The following OR6C4 variants were observed in gnomAD, a reference collection of about 807,000 sequenced individuals.
OR6C4 encodes the protein olfactory receptor 6C4.
OR6C4 carries 20 observed loss-of-function variants against 15.1 expected under a neutral mutation model. The observed-to-expected ratio is 1.32, with a 90% CI of 0.93 to 1.92. OR6C4 has a LOEUF of 1.92. OR6C4 is among the 30% of genes most tolerant of loss of function. OR6C4 has a pLI of 0.00. For synonymous variants in OR6C4, 179 were observed against 134.2 expected (o/e 1.33, Z -2.31); for missense variants, 491 against 363.2 (o/e 1.35, Z -2.86).
In OR6C4 at chr12:55,552,245, T is replaced by C; in HGVS notation, c.*89T>C. 1.2e-6 allele frequency: 1 copy of C among 808,304 alleles called. No individual in the cohort carries two copies. The highest frequency in any genetic ancestry group is 1.7e-5 in the South Asian group (1 of 57,422). The allele number at this position is 808,304 out of a possible 1,614,324, so 50.1% of individuals were successfully genotyped here. On this transcript the variant is annotated 3_prime_UTR_variant, in exon 2 of 2. Transcript: ENST00000641569. ...CAAGTGCTAAATTGGCCCTTGAAGA[T>C]TAAAATAGGAAAAGTATATGTCTTA...
At position 55,553,350 on chromosome 12, in the gene OR6C4, C is replaced by G. The variant is rs1873928345; in HGVS notation, c.*1194C>G. 6.6e-6 allele frequency: 1 copy of G among 151,872 alleles called. No individual in the cohort carries two copies. Among genetic ancestry groups the G allele is most frequent in the Non-Finnish European group, 1.5e-5 (1 of 67,952 alleles). The allele number at this position is 151,872 out of a possible 1,614,324, so 9.4% of individuals were successfully genotyped here. A position where few individuals can be genotyped will look rare whatever the true frequency, so the allele number is the denominator to read the frequency against. On this transcript the variant is annotated 3_prime_UTR_variant, in exon 2 of 2. Coordinates refer to ENST00000641569, the MANE Select transcript of OR6C4 (RefSeq NM_001005494.2). ...AGTTTAATAATATCTTAAAAAATTG[C>G]AGGAGCTTTGTTACTATTTGGGGTA... is the stretch of plus-strand genomic sequence containing the variant.
chr12:55,554,839 T>G lies in OR6C4; in HGVS notation c.*2683T>G, dbSNP rs1311838255. 6.6e-6 allele frequency: 1 copy of G among 152,130 alleles called. No homozygotes were observed. Among genetic ancestry groups the G allele is most frequent in the Non-Finnish European group, 1.5e-5 (1 of 68,010 alleles). The allele number at this position is 152,130 out of a possible 1,614,324, so 9.4% of individuals were successfully genotyped here. On this transcript the variant is annotated 3_prime_UTR_variant, in exon 2 of 2. Coordinates refer to ENST00000641569, the MANE Select transcript of OR6C4 (RefSeq NM_001005494.2). ...TCTTGCAAAGAGTTTTAAATAAAAT[T>G]CAAAACAATAAAATATATTTTTTAA...
intron 1 of OR6C4, 135 bp downstream of exon 1, chr12:55,550,253 A>G (rs1167706757): frequency 6.6e-6 from 1 of 152,198 alleles, no homozygotes; most frequent in African/African-American, 2.4e-5. Flanking sequence ...TGTAAATTAG[A>G]GGGACCCCTT....
At position 55,554,852 on chromosome 12, in the gene OR6C4, A is replaced by G. The variant is rs1466975564; in HGVS notation, c.*2696A>G. The G allele has an allele frequency of 6.6e-6, 1 of 152,166 alleles. No individual in the cohort carries two copies. Among genetic ancestry groups the G allele is most frequent in the East Asian group, 1.9e-4 (1 of 5,192 alleles). 9.4% of individuals were successfully genotyped at this position (152,166 alleles called of 1,614,324 possible). Reference sequence around the variant, plus strand: ...TTTAAATAAAATTCAAAACAATAAAATATATTTTTTAATTTTTTTTATTTC... The same window carrying G: ...TTTAAATAAAATTCAAAACAATAAAGTATATTTTTTAATTTTTTTTATTTC... On this transcript the variant is annotated 3_prime_UTR_variant, in exon 2 of 2. Coordinates refer to ENST00000641569, the MANE Select transcript of OR6C4 (RefSeq NM_001005494.2).
chr12:55,551,729 T>A lies in OR6C4; in HGVS notation c.503T>A (p.Val168Asp). ...IILMTQVDFC[V>D]SNILNHYYCD... ...CTGATGACCCAGGTAGATTTCTGTG[T>A]CTCCAACATTCTGAATCACTATTAC... is the stretch of plus-strand genomic sequence containing the variant. The change falls in exon 2 of 2, where the codon GTC becomes GAC. Residue 168 changes from valine to aspartate, a missense_variant. Coordinates refer to ENST00000641569, the MANE Select transcript of OR6C4 (RefSeq NM_001005494.2). 1 of 1,613,942 alleles carries A rather than the reference T, an allele frequency of 6.2e-7. No individual in the cohort carries two copies.
rs200999334 is a variant in OR6C4, at chr12:55,551,241, C to G, written c.15C>G (p.Thr5=). ...GAAGGTCAACAATGAAAAACAGAAC[C>G]ATGTTTGGTGAGTTTATTCTACTGG... is the stretch of plus-strand genomic sequence containing the variant. MKNR[T]MFGEFILLGL... is the part of the protein sequence containing the mutation. The change falls in exon 2 of 2, where the codon ACC becomes ACG. Residue 5 remains threonine, a synonymous_variant. Transcript: ENST00000641569. The G allele has an allele frequency of 6.2e-6, 10 of 1,607,074 alleles. No individual in the cohort carries two copies. Among genetic ancestry groups the G allele is most frequent in the Non-Finnish European group, 8.5e-6 (10 of 1,177,886 alleles).
rs762308131 is a variant in OR6C4 at position 55,552,060 on chromosome 12, G to C, written c.834G>C (p.Ser278=). ...FNKGIAVLIT[S]VTPLLNPFIY... ...AAGGAATAGCTGTACTCATTACTTC[G>C]GTTACTCCCTTACTGAATCCCTTCA... The change falls in exon 2 of 2, where the codon TCG becomes TCC. Residue 278 remains serine (S), a synonymous_variant. Transcript: ENST00000641569. 3.1e-6 allele frequency: 5 copies of C among 1,612,948 alleles called. No individual in the cohort carries two copies. The highest frequency in any genetic ancestry group is 4.2e-6 in the Non-Finnish European group (5 of 1,179,462).
In OR6C4 at chr12:55,552,310, A is replaced by G. The variant is rs963695193; in HGVS notation, c.*154A>G. ...ATAGTCTAGAATCAAGGAAAGATATATAAATGGTAAATTTATGTAATAAAT... is the reference window on the plus strand; with the variant it reads ...ATAGTCTAGAATCAAGGAAAGATATGTAAATGGTAAATTTATGTAATAAAT... On this transcript the variant is annotated 3_prime_UTR_variant, in exon 2 of 2. Coordinates refer to ENST00000641569, the MANE Select transcript of OR6C4 (RefSeq NM_001005494.2). 7.3e-5 allele frequency: 38 copies of G among 520,134 alleles called. No homozygotes were observed. Among genetic ancestry groups the G allele is most frequent in the Admixed American group, 1.9e-4 (5 of 25,832 alleles). 32.2% of individuals were successfully genotyped at this position (520,134 alleles called of 1,614,324 possible). A position where few individuals can be genotyped will look rare whatever the true frequency, so the allele number is the denominator to read the frequency against.
Position 55,554,901 on chromosome 12 carries a change from T to C in OR6C4, c.*2745T>C, listed in dbSNP as rs1873975618. ...TCAGCCAGGATCAGTGACTCACACTTCTAATCCCAGCTCTTTGGGAGGCTG... is the reference window on the plus strand; with the variant it reads ...TCAGCCAGGATCAGTGACTCACACTCCTAATCCCAGCTCTTTGGGAGGCTG... On this transcript the variant is annotated 3_prime_UTR_variant, in exon 2 of 2. Coordinates refer to ENST00000641569, the MANE Select transcript of OR6C4 (RefSeq NM_001005494.2). 1 of 152,186 alleles carries C rather than the reference T, an allele frequency of 6.6e-6. No individual in the cohort carries two copies. Among genetic ancestry groups the C allele is most frequent in the African/African-American group, 2.4e-5 (1 of 41,450 alleles). 9.4% of individuals were successfully genotyped at this position (152,186 alleles called of 1,614,324 possible).
Position 55,551,638 on chromosome 12 carries a change from G to A in OR6C4, c.412G>A (p.Val138Ile), listed in dbSNP as rs1327113864. The A allele has an allele frequency of 2.5e-6, 4 of 1,613,884 alleles. No individual in the cohort carries two copies. Among genetic ancestry groups the A allele is most frequent in the Non-Finnish European group, 3.4e-6 (4 of 1,179,962 alleles). Residue 138 changes from valine (V) to isoleucine (I), a missense_variant, in exon 2 of 2, where the codon GTC (valine) becomes ATC (isoleucine). By Grantham distance (29) the Val-to-Ile change is conservative. Transcript: ENST00000641569. ...TTACCTGACTATTATGAGCAGCAGA[G>A]TCTGCATACAACTAGTGTTCTGCTC... ...LHYLTIMSSR[V>I]CIQLVFCSWL...
rs1592336426 is a variant in OR6C4 at position 55,551,722 on chromosome 12, T to C, written c.496T>C (p.Phe166Leu). The stretch of plus-strand genomic sequence containing the variant: ...AATCATCCTGATGACCCAGGTAGAT[T>C]TCTGTGTCTCCAACATTCTGAATCA... ...PPIILMTQVDFCVSNILNHYY... is the reference protein window; with the variant it reads ...PPIILMTQVDLCVSNILNHYY... Residue 166 changes from phenylalanine (F) to leucine (L), a missense_variant, in exon 2 of 2, where the codon TTC (phenylalanine) becomes CTC (leucine). Transcript: ENST00000641569. 6.2e-7 allele frequency: 1 copy of C among 1,613,872 alleles called. No individual in the cohort carries two copies. The highest frequency in any genetic ancestry group is 8.5e-7 in the Non-Finnish European group (1 of 1,179,892).
rs1035598648 is a variant in OR6C4, at chr12:55,552,208, A to T, written c.*52A>T. On this transcript the variant is annotated 3_prime_UTR_variant, in exon 2 of 2. Transcript: ENST00000641569. ...TTTTCACTTAACAAATATGCATTGA[A>T]TGTCTATATTTCAAGTGCTAAATTG... 31 of 1,243,854 alleles carry T rather than the reference A, an allele frequency of 2.5e-5. No individual in the cohort carries two copies. Among genetic ancestry groups the T allele is most frequent in the Non-Finnish European group, 3.3e-5 (29 of 890,074 alleles). 77.1% of individuals were successfully genotyped at this position (1,243,854 alleles called of 1,614,324 possible).
intron 1 of OR6C4, 145 bp downstream of exon 1, chr12:55,550,263 T>C (rs926184292): frequency 6.6e-6 from 1 of 152,128 alleles, no homozygotes; most frequent in African/African-American, 2.4e-5. Flanking sequence ...AGGGACCCCT[T>C]TATATTATAT....
intron 1 of OR6C4, among the ~76,000 whole-genome samples, chr12:55,550,361 A>G (rs762903767): frequency 1.3e-5 from 2 of 152,166 alleles, no homozygotes; most frequent in African/African-American, 2.4e-5. Flanking sequence ...TTATCTACAA[A>G]GAACTCTTAT....
In OR6C4 at chr12:55,552,085, A is replaced by C; in HGVS notation, c.859A>C (p.Ile287Leu). 1.2e-6 allele frequency: 2 copies of C among 1,610,694 alleles called. No individual in the cohort carries two copies. Among genetic ancestry groups the C allele is most frequent in the Non-Finnish European group, 1.7e-6 (2 of 1,179,178 alleles). ...GGTTACTCCCTTACTGAATCCCTTC[A>C]TATATACTTTAAGAAATCAGCAAGT... ...TSVTPLLNPF[I>L]YTLRNQQVKQ... Residue 287 changes from isoleucine (I) to leucine (L), a missense_variant, in exon 2 of 2, where the codon ATA (isoleucine) becomes CTA (leucine). Ile to Leu is a conservative substitution (Grantham distance 5). Transcript: ENST00000641569.
In OR6C4 at chr12:55,552,307, T is replaced by C. The variant is rs879238950; in HGVS notation, c.*151T>C. ...ACTATAGTCTAGAATCAAGGAAAGA[T>C]ATATAAATGGTAAATTTATGTAATA... On this transcript the variant is annotated 3_prime_UTR_variant, in exon 2 of 2. Coordinates refer to ENST00000641569, the MANE Select transcript of OR6C4 (RefSeq NM_001005494.2). 1.1e-4 allele frequency: 57 copies of C among 519,446 alleles called. No individual in the cohort carries two copies. In the East Asian group the frequency reaches 1.8e-3, roughly 17 times the overall value. The allele number at this position is 519,446 out of a possible 1,614,324, so 32.2% of individuals were successfully genotyped here.
intron 1 of OR6C4, 86 bp from the exon 2 acceptor site, chr12:55,551,123 A>T: frequency 1.2e-6 from 1 of 851,966 alleles, no homozygotes; most frequent in Non-Finnish European, 1.9e-6. Flanking sequence ...GCAATGTATG[A>T]CCTGATTCTG....
In OR6C4 at chr12:55,552,041, T is replaced by G. The variant is rs776380944; in HGVS notation, c.815T>G (p.Ile272Arg). The change falls in exon 2 of 2, where the codon ATA becomes AGA. Residue 272 changes from isoleucine (I) to arginine (R), a missense_variant. By Grantham distance (97) the Ile-to-Arg change is moderately conservative. Transcript: ENST00000641569. ...GAAGGAGGTGCTTTCAACAAAGGAA[T>G]AGCTGTACTCATTACTTCGGTTACT... ...AKEGGAFNKG[I>R]AVLITSVTPL... The G allele has an allele frequency of 3.7e-6, 6 of 1,613,472 alleles. No individual in the cohort carries two copies. The South Asian group carries it at 4.4e-5, about 12-fold the overall frequency.
Position 55,551,225 on chromosome 12 carries a change from C to T in OR6C4, c.-2C>T. 6.2e-7 allele frequency: 1 copy of T among 1,601,574 alleles called. No individual in the cohort carries two copies. Among genetic ancestry groups the T allele is most frequent in the Non-Finnish European group, 8.5e-7 (1 of 1,175,304 alleles). ...TGCCTTTAGGTTTTCCGAAGGTCAA[C>T]AATGAAAAACAGAACCATGTTTGGT... On this transcript the variant is annotated 5_prime_UTR_variant, in exon 2 of 2. Coordinates refer to ENST00000641569, the MANE Select transcript of OR6C4 (RefSeq NM_001005494.2).
Sources: gnomAD v4.1 joint callset for allele counts (sites outside exome capture counted in the v4.1 genomes callset) on GRCh38, gnomAD v4.1.1 for gene constraint, MANE v1.5 for transcripts, NCBI Gene and HGNC (gene_info 2026-07-23, HGNC 2026-07-21) for gene names.